Variants in APBB2 observed in about 807,000 individuals in gnomAD.
APBB2 encodes Fe65-like 1.
A neutral mutation model predicts 82.5 loss-of-function variants in APBB2; 38 were observed. The observed-to-expected ratio is 0.46, with a 90% CI of 0.36 to 0.60. APBB2 has a LOEUF of 0.60. Among genes scored for constraint, APBB2 ranks in the 20% least tolerant of loss-of-function variants. APBB2 has a pLI of 0.00. For synonymous variants in APBB2, 341 were observed against 368.2 expected, an observed-to-expected ratio of 0.93 and a Z score of 0.85; for missense variants, 772 against 972.3, an observed-to-expected ratio of 0.79 and a Z score of 2.74.
chr4:41,011,230 G>C (rs1808277049), intron 6 of APBB2, among the ~76,000 whole-genome samples: 1 of 151,060 alleles, frequency 6.6e-6, no homozygotes. Context: ...GCCCAGGCTG[G>C]AGTGCAGTGG....
rs975224702 is a variant in APBB2 at position 40,955,813 on chromosome 4, G to A, written c.836-10740C>T. 6.6e-5 allele frequency among the ~76,000 whole-genome samples: 10 copies of A among 151,062 alleles called. No individual in the cohort carries two copies. The East Asian group carries it at 7.8e-4, about 12-fold the overall frequency. On this transcript the variant is annotated intron_variant, in intron 6 of 17. Coordinates refer to ENST00000508593, the MANE Select transcript of APBB2 (RefSeq NM_004307.2). Reference sequence around the variant, plus strand: ...TTCTTTGAGATGAAGTTTTGCTCTCGTTGCCCAGGCTGAATGCAATGGCAT... The same window carrying A: ...TTCTTTGAGATGAAGTTTTGCTCTCATTGCCCAGGCTGAATGCAATGGCAT...
At chr4:40,864,703 C>G (rs1026928842) in intron 12 of APBB2, among the ~76,000 whole-genome samples, 2 of 152,154 alleles carry the variant, frequency 1.3e-5, no homozygotes, top group African/African-American at 4.8e-5. Context: ...CTGGCCTTCA[C>G]TGTACTATAA....
chr4:41,200,350 T>C (rs1776397512), intron 1 of APBB2, among the ~76,000 whole-genome samples: 1 of 152,156 alleles, frequency 6.6e-6, no homozygotes, highest in Non-Finnish European at 1.5e-5. Context: ...GATAATTCAA[T>C]AATTTTGGAA....
At chr4:41,093,156 A>G (rs568660681) in intron 3 of APBB2, among the ~76,000 whole-genome samples, 7 of 152,204 alleles carry the variant, frequency 4.6e-5, no homozygotes, top group Admixed American at 1.3e-4. Flanking sequence ...CAAAGCCCAG[A>G]TGAAATGTTG....
chr4:41,079,959 C>T (rs17527299), intron 3 of APBB2, among the ~76,000 whole-genome samples: 35,116 of 152,106 alleles, frequency 0.23, 4,467 homozygotes, highest in Non-Finnish European at 0.29. Context: ...GCTTGTGAAT[C>T]GGGAGCTGCC....
At chr4:41,152,148 T>C (rs938922016) in intron 1 of APBB2, among the ~76,000 whole-genome samples, 2 of 152,304 alleles carry the variant, frequency 1.3e-5, no homozygotes, top group Middle Eastern at 3.4e-3. Context: ...AGTTCTAATA[T>C]TTCCTTAGGT....
At chr4:41,013,445 T>C (rs1375813488) in intron 6 of APBB2, 138 bp downstream of exon 6, 2 of 776,724 alleles carry the variant, frequency 2.6e-6, no homozygotes, top group East Asian at 2.5e-5. Flanking sequence ...TGCAAATAAA[T>C]TGCCCAATTT....
chr4:40,827,013 T>C, intron 14 of APBB2, 119 bp downstream of exon 14: 1 of 874,948 alleles, frequency 1.1e-6, no homozygotes, highest in Non-Finnish European at 1.8e-6. Context: ...AACTTGTGCT[T>C]ACTGAGTTGA....
At chr4:41,052,064 T>C (rs918935075) in intron 4 of APBB2, among the ~76,000 whole-genome samples, 53 of 152,152 alleles carry the variant, frequency 3.5e-4, no homozygotes, top group African/African-American at 1.3e-3. Context: ...TTTTCACTGG[T>C]TACCAAATAA....
At chr4:40,957,617 CTT>C (rs1407270413) in intron 6 of APBB2, among the ~76,000 whole-genome samples, 1 of 146,994 alleles carries the variant, frequency 6.8e-6, no homozygotes, top group East Asian at 2.0e-4. Context: ...GAGTTTCGCT[CTT>C]GTTGCCCCGG....
intron 3 of APBB2, among the ~76,000 whole-genome samples, chr4:41,093,313 T>C (rs369865872): frequency 2.6e-5 from 4 of 152,358 alleles, no homozygotes; most frequent in South Asian, 4.1e-4. Context: ...TGAACTCTGC[T>C]TTAAAAACAG....
At chr4:41,105,014 C>A (rs1229072197) in intron 2 of APBB2, among the ~76,000 whole-genome samples, 1 of 152,170 alleles carries the variant, frequency 6.6e-6, no homozygotes. Flanking sequence ...GGCATACCTG[C>A]ACACCCAGTA....
At chr4:41,032,787 T>C (rs1171222013) in intron 5 of APBB2, among the ~76,000 whole-genome samples, 7 of 115,508 alleles carry the variant, frequency 6.1e-5, no homozygotes, top group Non-Finnish European at 1.0e-4. Context: ...TCTTTTTTTT[T>C]TTTTTTTTTT....
intron 6 of APBB2, among the ~76,000 whole-genome samples, chr4:41,001,521 T>A (rs553598003): frequency 2.4e-4 from 37 of 152,270 alleles, no homozygotes; most frequent in African/African-American, 8.7e-4. Flanking sequence ...CTAATTATAC[T>A]AAGGATGAAT....
chr4:41,043,763 T>G (rs1027660925), intron 4 of APBB2, among the ~76,000 whole-genome samples: 5 of 152,142 alleles, frequency 3.3e-5, no homozygotes, highest in Non-Finnish European at 7.4e-5. Flanking sequence ...TCACCATTAG[T>G]GCTGTCTATT....
At chr4:41,198,453 G>A in intron 1 of APBB2, among the ~76,000 whole-genome samples, 1 of 152,214 alleles carries the variant, frequency 6.6e-6, no homozygotes, top group Non-Finnish European at 1.5e-5. Context: ...AGCAAGCACT[G>A]TTCAAAGTGC....
chr4:40,956,219 T>C (rs1290052218), intron 6 of APBB2, among the ~76,000 whole-genome samples: 3 of 152,174 alleles, frequency 2.0e-5, no homozygotes, highest in Non-Finnish European at 4.4e-5. Context: ...TTCCTCCAGC[T>C]TCACCACCAA....
At chr4:41,081,858 G>T (rs1319189477) in intron 3 of APBB2, among the ~76,000 whole-genome samples, 1 of 152,140 alleles carries the variant, frequency 6.6e-6, no homozygotes. Flanking sequence ...GAAGTACTAA[G>T]GAAAGTATAA....
chr4:41,101,102 C>T lies in APBB2; in HGVS notation c.-260-352G>A, dbSNP rs892376210. Among the ~76,000 whole-genome samples, 6 of 152,104 alleles carry T rather than the reference C, an allele frequency of 3.9e-5. No homozygotes were observed. In the East Asian group the frequency reaches 9.6e-4, roughly 24 times the overall value. On this transcript the variant is annotated intron_variant, in intron 2 of 17. Coordinates refer to ENST00000508593, the MANE Select transcript of APBB2 (RefSeq NM_004307.2). ...TTGTGACTTGGGAAGGAAGGTCTTC[C>T]GAAATCACACTTGCCAGTTCCCACT...
Sources: allele counts gnomAD v4.1 joint callset (sites outside exome capture counted in the v4.1 genomes callset), GRCh38; gene constraint gnomAD v4.1.1; transcripts MANE v1.5; gene names NCBI Gene and HGNC (gene_info 2026-07-23, HGNC 2026-07-21).